Variants in PAICS observed in about 807,000 individuals in gnomAD.
The protein encoded by PAICS is bifunctional phosphoribosylaminoimidazole carboxylase/phosphoribosylaminoimidazole succinocarboxamide synthetase.
PAICS carries 33 observed loss-of-function variants against 53.7 expected under a neutral mutation model. That is an observed-to-expected ratio of 0.61 (90% CI 0.47 to 0.82). The LOEUF (loss-of-function observed/expected upper bound fraction) is 0.82. Ranked by LOEUF, PAICS falls within the 40% of genes least tolerant of loss-of-function variation. The pLI is 0.00. For synonymous variants in PAICS, 141 were observed against 167.2 expected, an observed-to-expected ratio of 0.84 and a Z score of 1.21; for missense variants, 394 against 494.1, an observed-to-expected ratio of 0.80 and a Z score of 1.92.
intron 3 of PAICS, 131 bp from the exon 4 acceptor site, chr4:56,448,287 G>A (rs1002396213): frequency 3.4e-6 from 2 of 591,114 alleles, no homozygotes; most frequent in East Asian, 2.9e-5. Flanking sequence ...TTACAGGCAT[G>A]AGCCACCATG....
chr4:56,446,442 T>C lies in PAICS; in HGVS notation c.215-253T>C, dbSNP rs979587641. ...GCCTAGTGTTTTTAAGCTTCATCCA[T>C]ATTATATAGCATGGATGTATCAGGA... On this transcript the variant is annotated intron_variant, in intron 2 of 8. Coordinates refer to ENST00000512576, the MANE Select transcript of PAICS (RefSeq NM_001079524.2). The C allele has an allele frequency of 1.5e-5, 11 of 715,196 alleles. No homozygotes were observed. In the African/African-American group the frequency reaches 1.9e-4, roughly 13 times the overall value. The allele number at this position is 715,196 out of a possible 1,614,324, so 44.3% of individuals were successfully genotyped here. A position where few individuals can be genotyped will look rare whatever the true frequency, so the allele number is the denominator to read the frequency against.
At chr4:56,441,064 G>A (rs1718312252) in intron 1 of PAICS, among the ~76,000 whole-genome samples, 1 of 152,192 alleles carries the variant, frequency 6.6e-6, no homozygotes, top group Admixed American at 6.5e-5. Flanking sequence ...AAGAAATAGA[G>A]AGGGATGCTT....
At chr4:56,442,226 T>A (rs1718378261) in intron 2 of PAICS, among the ~76,000 whole-genome samples, 1 of 152,228 alleles carries the variant, frequency 6.6e-6, no homozygotes, top group African/African-American at 2.4e-5. Context: ...TGTAATTCTA[T>A]ACAAATGGTC....
At chr4:56,419,697 GT>G in the PAICS span, 1 of 982,288 alleles carries the variant, frequency 1.0e-6, no homozygotes, top group Non-Finnish European at 1.2e-6. Context: ...GCACTGGACT[GT>G]GCCAGAAGTC....
At chr4:56,435,955 C>G (rs770571895), upstream of PAICS, 25 of 1,510,152 alleles carry the variant, frequency 1.7e-5, no homozygotes, top group Non-Finnish European at 2.2e-5. Flanking sequence ...GAGTCGCTCC[C>G]GCAGCCGAGA....
In PAICS at chr4:56,460,329, CATT is replaced by C. The variant is rs1343852264; in HGVS notation, c.*792_*794del. ...TTGCAAGTCAGAAGCTTGATTTCAT[CATT>C]GATGTTTTTCTCACGTTTCACATCT... On this transcript the variant is annotated 3_prime_UTR_variant, in exon 9 of 9. Transcript: ENST00000512576. 2 of 152,194 alleles carry C rather than the reference CATT, an allele frequency of 1.3e-5. No individual in the cohort carries two copies. The highest frequency in any genetic ancestry group is 3.9e-4 in the East Asian group (2 of 5,192). The allele number at this position is 152,194 out of a possible 1,614,324, so 9.4% of individuals were successfully genotyped here. A position where few individuals can be genotyped will look rare whatever the true frequency, so the allele number is the denominator to read the frequency against.
In PAICS at chr4:56,446,754, G is replaced by A. The variant is rs1384037483; in HGVS notation, c.274G>A (p.Glu92Lys). 3.7e-6 allele frequency: 6 copies of A among 1,606,982 alleles called. No individual in the cohort carries two copies. In the African/African-American group the frequency reaches 8.0e-5, roughly 21 times the overall value. The change falls in exon 3 of 9, where the codon GAA becomes AAA. Residue 92 changes from glutamate (E) to lysine (K), a missense_variant. Glu to Lys is a moderately conservative substitution (Grantham distance 56). Transcript: ENST00000512576. ...GETAFIAPQCEMIPIEWVCRR... is the reference protein window; with the variant it reads ...GETAFIAPQCKMIPIEWVCRR... ...GACAGCTTTCATTGCACCGCAGTGT[G>A]AAATGATTCCAATTGAATGGGTTTG...
At chr4:56,457,029 G>A (rs1248630016) in intron 8 of PAICS, among the ~76,000 whole-genome samples, 1 of 152,086 alleles carries the variant, frequency 6.6e-6, no homozygotes, top group East Asian at 1.9e-4. Context: ...TTAGTGTCTA[G>A]GTATTTTCTT....
chr4:56,446,763 C>G lies in PAICS; in HGVS notation c.283C>G (p.Pro95Ala). The part of the protein sequence containing the change: ...AFIAPQCEMI[P>A]IEWVCRRIAT... ...CATTGCACCGCAGTGTGAAATGATT[C>G]CAATTGAATGGGTTTGCAGAAGAAT... The change falls in exon 3 of 9, where the codon CCA becomes GCA. Residue 95 changes from proline to alanine, a missense_variant. Coordinates refer to ENST00000512576, the MANE Select transcript of PAICS (RefSeq NM_001079524.2). 1 of 1,606,566 alleles carries G rather than the reference C, an allele frequency of 6.2e-7. No individual in the cohort carries two copies. The highest frequency in any genetic ancestry group is 8.5e-7 in the Non-Finnish European group (1 of 1,175,684).
intron 7 of PAICS, among the ~76,000 whole-genome samples, chr4:56,452,905 G>A (rs929648997): frequency 5.3e-5 from 8 of 152,316 alleles, no homozygotes; most frequent in African/African-American, 1.9e-4. Flanking sequence ...TGTTGCTATG[G>A]AAGTGTAGTT....
In PAICS at chr4:56,462,681, T is replaced by C. The variant is rs1719557750; in HGVS notation, c.*3143T>C. ...TTTGGCAGACTGAAGAACAACAGTA[T>C]GAATGGAATTCATTCACCATGAGAA... On this transcript the variant is annotated 3_prime_UTR_variant, in exon 9 of 9. Coordinates refer to ENST00000512576, the MANE Select transcript of PAICS (RefSeq NM_001079524.2). The C allele has an allele frequency of 6.6e-6, 1 of 152,214 alleles. No homozygotes were observed. Among genetic ancestry groups the C allele is most frequent in the South Asian group, 2.1e-4 (1 of 4,832 alleles). 9.4% of individuals were successfully genotyped at this position (152,214 alleles called of 1,614,324 possible).
chr4:56,461,605 C>T lies in PAICS; in HGVS notation c.*2067C>T, dbSNP rs1719518148. On this transcript the variant is annotated 3_prime_UTR_variant, in exon 9 of 9. Coordinates refer to ENST00000512576, the MANE Select transcript of PAICS (RefSeq NM_001079524.2). ...GTGGCATGATTATGGCTCCCTGCAGCCTTGAACTCCTGGACTCAAGCTGCA... is the reference window on the plus strand; with the variant it reads ...GTGGCATGATTATGGCTCCCTGCAGTCTTGAACTCCTGGACTCAAGCTGCA... 1.3e-5 allele frequency: 2 copies of T among 152,048 alleles called. No homozygotes were observed. Among genetic ancestry groups the T allele is most frequent in the South Asian group, 2.1e-4 (1 of 4,804 alleles). The allele number at this position is 152,048 out of a possible 1,614,324, so 9.4% of individuals were successfully genotyped here.
At chr4:56,419,530 C>A in the PAICS span, 1 of 325,688 alleles carries the variant, frequency 3.1e-6, no homozygotes, top group Non-Finnish European at 4.4e-6. Flanking sequence ...GAGGAAACTG[C>A]TTTCTTTAAT....
chr4:56,410,951 T>C, the PAICS span: 2 of 974,652 alleles, frequency 2.1e-6, no homozygotes, highest in Non-Finnish European at 2.4e-6. Flanking sequence ...TGTTTTTCTT[T>C]TGTTTTACAG....
the PAICS span, chr4:56,411,042 C>A: frequency 1.7e-6 from 1 of 574,662 alleles, no homozygotes; most frequent in Non-Finnish European, 2.2e-6. Flanking sequence ...GGAAAAATAA[C>A]CAATTTATTA....
At chr4:56,417,846 T>G in the PAICS span, among the ~76,000 whole-genome samples, 22 of 150,148 alleles carry the variant, frequency 1.5e-4, no homozygotes, top group Admixed American at 6.6e-5. Flanking sequence ...TTTTTTGTTT[T>G]TTTTTTTTTT....
chr4:56,451,760 G>C (rs889601744), intron 6 of PAICS, 112 bp from the exon 7 acceptor site: 10 of 559,200 alleles, frequency 1.8e-5, no homozygotes, highest in Non-Finnish European at 3.0e-5. Flanking sequence ...TCTTAAATTT[G>C]ATCTGTTAAG....
the PAICS span, chr4:56,423,080 C>CA: frequency 6.6e-6 from 1 of 152,148 alleles, no homozygotes; most frequent in African/African-American, 2.4e-5. Flanking sequence ...CTACACAAAC[C>CA]AAAACTGGGG....
intron 1 of PAICS, among the ~76,000 whole-genome samples, chr4:56,438,403 A>ATAAATATATATATATATATAT (rs71194108): frequency 8.7e-6 from 1 of 114,472 alleles, no homozygotes; most frequent in Non-Finnish European, 1.7e-5. Context: ...ATATATATAT[A>ATAAATATATATATATATATAT]AAAGGTTTTT....
Sources: allele counts gnomAD v4.1 joint callset (sites outside exome capture counted in the v4.1 genomes callset), GRCh38; gene constraint gnomAD v4.1.1; transcripts MANE v1.5; gene names NCBI Gene and HGNC (gene_info 2026-07-23, HGNC 2026-07-21).